Variants in POU3F3 observed in about 807,000 individuals in gnomAD.
POU3F3 encodes the protein POU class 3 homeobox 3.
POU3F3 carries 1 observed loss-of-function variant against 8.6 expected under a neutral mutation model. The observed-to-expected ratio is 0.12, with a 90% CI of 0.04 to 0.55. The LOEUF is 0.55. Among genes scored for constraint, POU3F3 ranks in the 20% least tolerant of loss-of-function variants. POU3F3 has a pLI of 0.91. For missense variants in POU3F3, 577 were observed against 690.7 expected (o/e 0.84, Z 1.84); for synonymous variants, 418 against 327.4 (o/e 1.28, Z -2.99).
chr2:104,895,571 A>G, the POU3F3 span, among the ~76,000 whole-genome samples: 2 of 152,354 alleles, frequency 1.3e-5, no homozygotes, highest in Non-Finnish European at 2.9e-5. Context: ...GCAGTAATTA[A>G]CATGCAATTT....
the POU3F3 span, among the ~76,000 whole-genome samples, chr2:104,918,242 C>CTACA: frequency 6.6e-6 from 1 of 152,206 alleles, no homozygotes; most frequent in African/African-American, 2.4e-5. Flanking sequence ...TTGGAATTCC[C>CTACA]TCCAGCAGGC....
the POU3F3 span, among the ~76,000 whole-genome samples, chr2:104,919,906 A>G: frequency 6.6e-6 from 1 of 152,112 alleles, no homozygotes; most frequent in Non-Finnish European, 1.5e-5. Flanking sequence ...GAGGCGGCTG[A>G]AAAGGACTTT....
the POU3F3 span, among the ~76,000 whole-genome samples, chr2:104,865,030 C>T: frequency 6.6e-6 from 1 of 152,164 alleles, no homozygotes; most frequent in African/African-American, 2.4e-5. Context: ...GTAAAATATA[C>T]TCAATTGCCA....
Position 104,856,229 on chromosome 2 carries a change from CCGG to C in POU3F3, c.737_739del (p.Gly246del), listed in dbSNP as rs542802090. 1.1e-3 allele frequency: 1,400 copies of C among 1,258,410 alleles called. No individual in the cohort carries two copies. Among genetic ancestry groups the C allele is most frequent in the South Asian group, 9.5e-3 (310 of 32,646 alleles). The allele number at this position is 1,258,410 out of a possible 1,614,324, so 78.0% of individuals were successfully genotyped here. The stretch of plus-strand genomic sequence containing the variant: ...GGCATGCTGAGCGCGCCACCGGGGC[CCGG>C]CGGCGGCGGCGGCGGCGCGGGCGGT... On this transcript the variant is annotated inframe_deletion, in exon 1 of 1. Coordinates refer to ENST00000361360, the MANE Select transcript of POU3F3 (RefSeq NM_006236.3).
the POU3F3 span, among the ~76,000 whole-genome samples, chr2:104,886,215 G>T: frequency 6.6e-6 from 1 of 152,092 alleles, no homozygotes; most frequent in Admixed American, 6.6e-5. Flanking sequence ...CCCCTTTCCA[G>T]TAACACAGTC....
chr2:104,884,775 G>T, the POU3F3 span, among the ~76,000 whole-genome samples: 3 of 152,198 alleles, frequency 2.0e-5, no homozygotes, highest in African/African-American at 4.8e-5. Context: ...GATGAGTTAG[G>T]CTTGCAGGTT....
chr2:104,861,772 G>C (rs1422202302), downstream of POU3F3, among the ~76,000 whole-genome samples: 8 of 152,194 alleles, frequency 5.3e-5, no homozygotes, highest in African/African-American at 1.9e-4. Context: ...TGTGAGAAGC[G>C]TGGGGCAACC....
chr2:104,926,166 C>A, the POU3F3 span: 1 of 152,138 alleles, frequency 6.6e-6, no homozygotes, highest in Non-Finnish European at 1.5e-5. Flanking sequence ...AGTAAACAGG[C>A]AACCTACAGA....
At chr2:104,864,683 A>T in the POU3F3 span, among the ~76,000 whole-genome samples, 1 of 152,232 alleles carries the variant, frequency 6.6e-6, no homozygotes, top group African/African-American at 2.4e-5. Flanking sequence ...TTTTTGCTTT[A>T]AAAAATGGCT....
chr2:104,866,078 T>C, the POU3F3 span: 1 of 152,326 alleles, frequency 6.6e-6, no homozygotes, highest in East Asian at 1.9e-4. Flanking sequence ...CCTTAAAGAC[T>C]TATGCCAAGC....
At chr2:104,887,421 C>T in the POU3F3 span, among the ~76,000 whole-genome samples, 17 of 152,132 alleles carry the variant, frequency 1.1e-4, no homozygotes, top group African/African-American at 3.9e-4. Flanking sequence ...GCATCTCCAT[C>T]GTTTGATCAA....
Position 104,855,826 on chromosome 2 carries a change from G to A in POU3F3, c.316G>A (p.Ala106Thr). The change falls in exon 1 of 1, where the codon GCC becomes ACC. Residue 106 changes from alanine to threonine, a missense_variant. Physicochemically the swap from Ala to Thr is moderately conservative, Grantham distance 58. Coordinates refer to ENST00000361360, the MANE Select transcript of POU3F3 (RefSeq NM_006236.3). ...GGTCACAGCCCTGCCCCACGCCGCC[G>A]CCGCCGCCGCCGCTGCCGCCGCCGC... ...QWVTALPHAA[A>T]AAAAAAAAAV... 2.7e-6 allele frequency: 3 copies of A among 1,110,884 alleles called. No homozygotes were observed. The highest frequency in any genetic ancestry group is 3.3e-6 in the Non-Finnish European group (3 of 911,526). 68.8% of individuals were successfully genotyped at this position (1,110,884 alleles called of 1,614,324 possible).
chr2:104,885,227 A>G, the POU3F3 span, among the ~76,000 whole-genome samples: 1 of 152,232 alleles, frequency 6.6e-6, no homozygotes, highest in Admixed American at 6.5e-5. Context: ...TGAACACCAC[A>G]GTTTATATGA....
At chr2:104,925,999 G>C in the POU3F3 span, 3 of 152,166 alleles carry the variant, frequency 2.0e-5, no homozygotes, top group Non-Finnish European at 4.4e-5. Context: ...GCCGGATTTG[G>C]TTCTTGTCTG....
the POU3F3 span, among the ~76,000 whole-genome samples, chr2:104,910,605 G>T: frequency 6.6e-6 from 1 of 152,128 alleles, no homozygotes; most frequent in Non-Finnish European, 1.5e-5. Context: ...TGCTTAGTAG[G>T]CTGCTAAAGA....
At chr2:104,894,053 G>C in the POU3F3 span, among the ~76,000 whole-genome samples, 1 of 152,208 alleles carries the variant, frequency 6.6e-6, no homozygotes, top group African/African-American at 2.4e-5. Flanking sequence ...TCCAGAATCT[G>C]GCTGTTGCGG....
chr2:104,863,158 C>T (rs1378253622), downstream of POU3F3, among the ~76,000 whole-genome samples: 1 of 119,178 alleles, frequency 8.4e-6, no homozygotes, highest in Non-Finnish European at 1.7e-5. Context: ...CTCATAATAA[C>T]AATTATTATT....
At chr2:104,886,366 A>G in the POU3F3 span, among the ~76,000 whole-genome samples, 1 of 152,216 alleles carries the variant, frequency 6.6e-6, no homozygotes, top group Non-Finnish European at 1.5e-5. Flanking sequence ...TGCCTACAGT[A>G]TTCAGTACAG....
chr2:104,859,996 C>G (rs1676635960), downstream of POU3F3, among the ~76,000 whole-genome samples: 1 of 152,096 alleles, frequency 6.6e-6, no homozygotes, highest in South Asian at 2.1e-4. Context: ...GTGGTGGATA[C>G]TACTGGCACG....
Sources: gnomAD v4.1 joint callset for allele counts (sites outside exome capture counted in the v4.1 genomes callset) on GRCh38, gnomAD v4.1.1 for gene constraint, MANE v1.5 for transcripts, NCBI Gene and HGNC (gene_info 2026-07-23, HGNC 2026-07-21) for gene names.